The following CNTLN variants were observed in gnomAD, a reference collection of about 807,000 sequenced individuals.
CNTLN encodes centlein.
In CNTLN, 212 loss-of-function variants were observed where a neutral mutation model predicts 180.0. The observed-to-expected ratio is 1.18, with a 90% confidence interval of 1.05 to 1.32. The LOEUF is 1.32. Ranked by LOEUF, CNTLN falls within the 40% of genes most tolerant of loss-of-function variation. The pLI is 0.00. For synonymous variants in CNTLN, 722 were observed against 563.1 expected, an observed-to-expected ratio of 1.28 and a Z score of -3.99; for missense variants, 2,095 against 1,610.9, an observed-to-expected ratio of 1.30 and a Z score of -5.14.
At chr9:17,312,662 C>A (rs1210217665) in intron 8 of CNTLN, among the ~76,000 whole-genome samples, 2 of 150,632 alleles carry the variant, frequency 1.3e-5, no homozygotes, top group African/African-American at 4.9e-5. Context: ...CTCCGCCTCC[C>A]AAAGTGCTGG....
At chr9:17,318,429 T>C (rs1336646222) in intron 8 of CNTLN, among the ~76,000 whole-genome samples, 1 of 152,128 alleles carries the variant, frequency 6.6e-6, no homozygotes, top group African/African-American at 2.4e-5. Flanking sequence ...CAGGCAATTG[T>C]AATAGTGCAG....
intron 2 of CNTLN, among the ~76,000 whole-genome samples, chr9:17,198,664 A>C (rs1249138040): frequency 6.6e-6 from 1 of 150,686 alleles, no homozygotes; most frequent in South Asian, 2.1e-4. Context: ...ATAGGTATAC[A>C]TGTCTCCCTC....
At chr9:17,142,757 C>G (rs1458637840) in intron 1 of CNTLN, among the ~76,000 whole-genome samples, 1 of 152,084 alleles carries the variant, frequency 6.6e-6, no homozygotes, top group Non-Finnish European at 1.5e-5. Context: ...TTTTTAAAAG[C>G]TCCTCAAAAG....
intron 8 of CNTLN, among the ~76,000 whole-genome samples, chr9:17,320,239 A>G: frequency 6.6e-6 from 1 of 152,094 alleles, no homozygotes; most frequent in East Asian, 1.9e-4. Context: ...AATTTTCTTT[A>G]GCTGTTTTCC....
chr9:17,445,598 C>G (rs1443730965), intron 18 of CNTLN, among the ~76,000 whole-genome samples: 1 of 152,196 alleles, frequency 6.6e-6, no homozygotes, highest in Non-Finnish European at 1.5e-5. Context: ...AGGCAGCATG[C>G]TCCTTGAGAG....
At chr9:17,357,738 T>C (rs905365177) in intron 12 of CNTLN, among the ~76,000 whole-genome samples, 1 of 151,378 alleles carries the variant, frequency 6.6e-6, no homozygotes, top group Admixed American at 6.6e-5. Context: ...AAGTCAATTT[T>C]GTCACACGAA....
intron 6 of CNTLN, among the ~76,000 whole-genome samples, chr9:17,284,558 T>A (rs977644169): frequency 6.6e-6 from 1 of 152,222 alleles, no homozygotes; most frequent in Non-Finnish European, 1.5e-5. Flanking sequence ...GAGGTATTTA[T>A]AGTATTATCT....
At chr9:17,294,329 A>G (rs544409506) in intron 6 of CNTLN, among the ~76,000 whole-genome samples, 2 of 151,954 alleles carry the variant, frequency 1.3e-5, no homozygotes, top group African/African-American at 2.4e-5. Context: ...CATTTTACAG[A>G]GAGCCGATTG....
intron 15 of CNTLN, among the ~76,000 whole-genome samples, chr9:17,400,887 A>G (rs1317178104): frequency 6.6e-6 from 1 of 152,196 alleles, no homozygotes; most frequent in African/African-American, 2.4e-5. Context: ...TTGTGAGTAC[A>G]GGTCTTTTTT....
At chr9:17,143,184 A>C in intron 1 of CNTLN, 104 bp from the exon 2 acceptor site, 1 of 753,050 alleles carries the variant, frequency 1.3e-6, no homozygotes, top group Non-Finnish European at 2.2e-6. Flanking sequence ...TAGTTATACA[A>C]CTAGGGATCA....
chr9:17,305,586 A>G (rs1479401091), intron 7 of CNTLN, among the ~76,000 whole-genome samples: 3 of 151,776 alleles, frequency 2.0e-5, no homozygotes, highest in African/African-American at 7.3e-5. Flanking sequence ...TACCCAGGGC[A>G]CTGGAACATC....
At chr9:17,272,627 A>G (rs1448217489) in intron 5 of CNTLN, among the ~76,000 whole-genome samples, 1 of 152,160 alleles carries the variant, frequency 6.6e-6, no homozygotes, top group Admixed American at 6.5e-5. Context: ...TGAGATGAGC[A>G]GCTTTACCCA....
At position 17,238,625 on chromosome 9, in the gene CNTLN, T is replaced by C. The variant is rs78380898; in HGVS notation, c.849+2037T>C. 3.9e-3 allele frequency among the ~76,000 whole-genome samples: 588 copies of C among 152,322 alleles called. 3 individuals carry two copies. Among genetic ancestry groups the C allele is most frequent in the African/African-American group, 0.013 (523 of 41,572 alleles). ...AGTTTTGCACGACTGTCCATAAAAATACACAGTTTTCCCTGAGTCTTCTGG... is the reference window on the plus strand; with the variant it reads ...AGTTTTGCACGACTGTCCATAAAAACACACAGTTTTCCCTGAGTCTTCTGG... On this transcript the variant is annotated intron_variant, in intron 5 of 25. Coordinates refer to ENST00000380647, the MANE Select transcript of CNTLN (RefSeq NM_017738.4).
At chr9:17,306,145 T>C (rs1759618) in intron 7 of CNTLN, among the ~76,000 whole-genome samples, 28,858 of 139,844 alleles carry the variant, frequency 0.21, 3,528 homozygotes, top group African/African-American at 0.36. Flanking sequence ...ATTAGTCGTC[T>C]ATTTTTTTTT....
intron 5 of CNTLN, among the ~76,000 whole-genome samples, chr9:17,242,661 A>G (rs766162360): frequency 3.3e-5 from 5 of 152,176 alleles, no homozygotes; most frequent in Admixed American, 6.5e-5. Flanking sequence ...ATGTATCCCA[A>G]TGATTGATTT....
intron 5 of CNTLN, among the ~76,000 whole-genome samples, chr9:17,266,548 T>A (rs928326077): frequency 2.6e-5 from 4 of 152,186 alleles, no homozygotes; most frequent in Non-Finnish European, 5.9e-5. Context: ...TAGATGTCTA[T>A]TAAGTCTGCT....
intron 19 of CNTLN, among the ~76,000 whole-genome samples, chr9:17,458,462 T>C (rs913172274): frequency 2.0e-5 from 3 of 151,958 alleles, no homozygotes; most frequent in Non-Finnish European, 4.4e-5. Context: ...ACCATTGCTA[T>C]AATGTGAGTC....
intron 13 of CNTLN, among the ~76,000 whole-genome samples, chr9:17,374,024 A>T (rs1293150995): frequency 1.3e-5 from 2 of 152,184 alleles, no homozygotes. Flanking sequence ...AAAAGAAAAC[A>T]TTGGGGAAAG....
intron 13 of CNTLN, among the ~76,000 whole-genome samples, chr9:17,370,234 CAA>C (rs1192898120): frequency 6.6e-6 from 1 of 151,868 alleles, no homozygotes; most frequent in Non-Finnish European, 1.5e-5. Flanking sequence ...AGGTTTAACC[CAA>C]AAAAGACAAC....
Sources: allele counts gnomAD v4.1 joint callset (sites outside exome capture counted in the v4.1 genomes callset), GRCh38; gene constraint gnomAD v4.1.1; transcripts MANE v1.5; gene names NCBI Gene and HGNC (gene_info 2026-07-23, HGNC 2026-07-21).